The following TRPA1 variants were observed in gnomAD, a reference collection of about 807,000 sequenced individuals.
The protein encoded by TRPA1 is transient receptor potential cation channel subfamily A member 1.
In TRPA1, 129 loss-of-function variants were observed where a neutral mutation model predicts 131.3. The ratio of observed to expected loss-of-function variants is 0.98; its 90% confidence interval spans 0.85 to 1.14. TRPA1 has a LOEUF of 1.14. TRPA1 is among the 50% of genes most tolerant of loss of function. TRPA1 has a pLI of 0.00. For synonymous variants in TRPA1, 441 were observed against 451.7 expected, an observed-to-expected ratio of 0.98 and a Z score of 0.30; for missense variants, 1,304 against 1,354.2, an observed-to-expected ratio of 0.96 and a Z score of 0.58.
At position 72,073,958 on chromosome 8, in the gene TRPA1, G is replaced by C. The variant is rs146963147; in HGVS notation, c.111+1341C>G. Among the ~76,000 whole-genome samples, 353 of 152,206 alleles carry C rather than the reference G, an allele frequency of 2.3e-3. 7 individuals are homozygous for C. The highest frequency in any genetic ancestry group is 8.1e-3 in the African/African-American group (336 of 41,526). ...CTCACCTTGGGAGGCCTGGCTACTT[G>C]GTGTGTGTGATTAACTATACATGCC... On this transcript the variant is annotated intron_variant, in intron 1 of 26. Coordinates refer to ENST00000262209, the MANE Select transcript of TRPA1 (RefSeq NM_007332.3).
At chr8:72,084,871 C>T in the TRPA1 span, among the ~76,000 whole-genome samples, 8 of 151,950 alleles carry the variant, frequency 5.3e-5, no homozygotes, top group African/African-American at 1.9e-4. Context: ...AGGCTGGTCT[C>T]GAACTCCCAA....
rs755719558 is a variant in TRPA1, at chr8:72,056,955, G to T, written c.1156C>A (p.Pro386Thr). 3.1e-6 allele frequency: 5 copies of T among 1,609,338 alleles called. No individual in the cohort carries two copies. The highest frequency in any genetic ancestry group is 2.2e-5 in the South Asian group (2 of 90,584). ...GGTCGCAGATTTTTTAATCCATAAG[G>T]TTGCTGTACAGTTAAATGCAGAAAA... ...RNFLHLTVQQ[P>T]YGLKNLRPEF... is the part of the protein sequence containing the mutation. Residue 386 changes from proline (P) to threonine (T), a missense_variant, in exon 10 of 27, where the codon CCT (proline) becomes ACT (threonine). Pro to Thr is a conservative substitution (Grantham distance 38). Coordinates refer to ENST00000262209, the MANE Select transcript of TRPA1 (RefSeq NM_007332.3).
chr8:72,071,494 T>C (rs1405907942), intron 2 of TRPA1, among the ~76,000 whole-genome samples: 1 of 152,212 alleles, frequency 6.6e-6, no homozygotes, highest in South Asian at 2.1e-4. Context: ...TCTGTGCTTG[T>C]TGTGGGGTGT....
Position 72,044,122 on chromosome 8 carries a change from G to C in TRPA1, c.2061+2391C>G, listed in dbSNP as rs142963354. ...ATATATTTATATACAATAGTCTGGGGGGAATAAAAGAACCCCTTGCAAATA... is the reference window on the plus strand; with the variant it reads ...ATATATTTATATACAATAGTCTGGGCGGAATAAAAGAACCCCTTGCAAATA... On this transcript the variant is annotated intron_variant, in intron 17 of 26. Coordinates refer to ENST00000262209, the MANE Select transcript of TRPA1 (RefSeq NM_007332.3). Among the ~76,000 whole-genome samples the C allele has an allele frequency of 6.5e-3, 985 of 151,294 alleles. 8 individuals are homozygous for C. Among genetic ancestry groups the C allele is most frequent in the Middle Eastern group, 0.017 (5 of 294 alleles).
chr8:72,078,252 G>C (rs1806226556), upstream of TRPA1, among the ~76,000 whole-genome samples: 1 of 152,000 alleles, frequency 6.6e-6, no homozygotes, highest in South Asian at 2.1e-4. Flanking sequence ...CATCTTTTAT[G>C]AAACAAAACA....
At chr8:72,037,624 T>C (rs1812101690) in intron 20 of TRPA1, among the ~76,000 whole-genome samples, 1 of 152,106 alleles carries the variant, frequency 6.6e-6, no homozygotes, top group African/African-American at 2.4e-5. Context: ...ATAACTTCTT[T>C]ATAAACATTT....
chr8:72,075,242 C>A (rs1806146787), intron 1 of TRPA1, 57 bp downstream of exon 1: 1 of 1,403,894 alleles, frequency 7.1e-7, no homozygotes, highest in Non-Finnish European at 1.0e-6. Context: ...AGGAAACCTC[C>A]AGCCGACCCC....
chr8:72,055,947 A>C, intron 10 of TRPA1, 92 bp from the exon 11 acceptor site: 1 of 1,297,134 alleles, frequency 7.7e-7, no homozygotes, highest in Non-Finnish European at 1.1e-6. Flanking sequence ...ATTTTCCAAC[A>C]AGGGTCAATA....
the TRPA1 span, among the ~76,000 whole-genome samples, chr8:72,086,944 C>G: frequency 1.3e-5 from 2 of 152,110 alleles, no homozygotes; most frequent in Admixed American, 6.5e-5. Flanking sequence ...ACTAATTGAT[C>G]CCAGTACTAA....
At position 72,051,779 on chromosome 8, in the gene TRPA1, TA is replaced by T. The variant is rs542695647; in HGVS notation, c.1811+819del. On this transcript the variant is annotated intron_variant, in intron 14 of 26. Transcript: ENST00000262209. ...ATGAGAAGTGAGACTAACTATCCTCTAACTTCATCACTAAAATTCCTTGGAG... is the reference window on the plus strand; with the variant it reads ...ATGAGAAGTGAGACTAACTATCCTCTACTTCATCACTAAAATTCCTTGGAG... 2.4e-4 allele frequency among the ~76,000 whole-genome samples: 37 copies of T among 152,342 alleles called. No individual in the cohort carries two copies. The South Asian group carries it at 7.2e-3, about 30-fold the overall frequency.
In TRPA1 at chr8:72,021,399, T is replaced by C. The variant is rs1185606094; in HGVS notation, c.*1507A>G. 1 of 152,170 alleles carries C rather than the reference T, an allele frequency of 6.6e-6. No homozygotes were observed. The highest frequency in any genetic ancestry group is 2.4e-5 in the African/African-American group (1 of 41,438). 9.4% of individuals were successfully genotyped at this position (152,170 alleles called of 1,614,324 possible). A position where few individuals can be genotyped will look rare whatever the true frequency, so the allele number is the denominator to read the frequency against. On this transcript the variant is annotated 3_prime_UTR_variant, in exon 27 of 27. Coordinates refer to ENST00000262209, the MANE Select transcript of TRPA1 (RefSeq NM_007332.3). ...GAGAGGGAAGACTGAAAAGACCCCT[T>C]GTCTTTATGATCAGGAGATCTTTGG...
At chr8:72,048,588 C>T (rs560099962) in intron 15 of TRPA1, among the ~76,000 whole-genome samples, 38 of 151,992 alleles carry the variant, frequency 2.5e-4, no homozygotes, top group Non-Finnish European at 3.4e-4. Flanking sequence ...TAATAATCAA[C>T]GTGTGCAAAA....
chr8:72,047,068 C>G, intron 16 of TRPA1, 80 bp downstream of exon 16: 1 of 1,074,636 alleles, frequency 9.3e-7, no homozygotes, highest in East Asian at 2.6e-5. Context: ...GATTACAGAT[C>G]AATAGTAACA....
chr8:72,024,594 G>T (rs1435747759), intron 25 of TRPA1, among the ~76,000 whole-genome samples: 2 of 152,138 alleles, frequency 1.3e-5, no homozygotes, highest in Non-Finnish European at 2.9e-5. Context: ...TTGCAAGGAG[G>T]AACCAGGACT....
At chr8:72,039,699 T>C in intron 18 of TRPA1, 28 bp downstream of exon 18, 2 of 1,415,774 alleles carry the variant, frequency 1.4e-6, no homozygotes, top group Non-Finnish European at 2.0e-6. Context: ...GACACAGCAT[T>C]AAACAAGAAA....
chr8:72,068,922 G>A, intron 3 of TRPA1, 101 bp downstream of exon 3: 1 of 1,199,150 alleles, frequency 8.3e-7, no homozygotes, highest in Non-Finnish European at 1.2e-6. Flanking sequence ...TGCCATGGAA[G>A]CTTAGAAGGT....
chr8:72,023,807 T>C lies in TRPA1; in HGVS notation c.3149+7A>G. ...TCTCAAGTACAGATAGAAGGAAAAA[T>C]ACATACCGGTATTTCTGCTTTAATA... On this transcript the variant is annotated splice_region_variant and intron_variant, in intron 26 of 26. Transcript: ENST00000262209. 1 of 1,476,856 alleles carries C rather than the reference T, an allele frequency of 6.8e-7. No homozygotes were observed. The highest frequency in any genetic ancestry group is 1.7e-5 in the Admixed American group (1 of 59,708). 91.5% of individuals were successfully genotyped at this position (1,476,856 alleles called of 1,614,324 possible). A position where few individuals can be genotyped will look rare whatever the true frequency, so the allele number is the denominator to read the frequency against.
chr8:72,037,972 G>A lies in TRPA1; in HGVS notation c.2385+11C>T, dbSNP rs1337151500. On this transcript the variant is annotated intron_variant, in intron 20 of 26. Coordinates refer to ENST00000262209, the MANE Select transcript of TRPA1 (RefSeq NM_007332.3). ...ATGTGCAACTTTAGAGATACAAAAT[G>A]TATTACATACCTGTTGGAAAATTTG... is the stretch of plus-strand genomic sequence containing the variant. The A allele has an allele frequency of 2.6e-6, 4 of 1,513,756 alleles. No individual in the cohort carries two copies. The highest frequency in any genetic ancestry group is 2.3e-5 in the South Asian group (2 of 88,628). The allele number at this position is 1,513,756 out of a possible 1,614,324, so 93.8% of individuals were successfully genotyped here. A position where few individuals can be genotyped will look rare whatever the true frequency, so the allele number is the denominator to read the frequency against.
intron 14 of TRPA1, 189 bp downstream of exon 14, chr8:72,052,410 A>T: frequency 1.8e-6 from 1 of 559,058 alleles, no homozygotes; most frequent in Non-Finnish European, 2.9e-6. Context: ...CGACAGAGCT[A>T]GACCTTTTCT....
Sources: gnomAD v4.1 joint callset for allele counts (sites outside exome capture counted in the v4.1 genomes callset) on GRCh38, gnomAD v4.1.1 for gene constraint, MANE v1.5 for transcripts, NCBI Gene and HGNC (gene_info 2026-07-23, HGNC 2026-07-21) for gene names.